Variants in SPTLC3 observed in about 807,000 individuals in gnomAD.
SPTLC3 encodes serine palmitoyltransferase 3.
Under a neutral mutation model 59.3 loss-of-function variants are expected in SPTLC3, and 36 were observed. The ratio of observed to expected loss-of-function variants is 0.61; its 90% confidence interval spans 0.47 to 0.80. The LOEUF (loss-of-function observed/expected upper bound fraction) is 0.80, where lower values mean the gene tolerates loss of function less well. Among genes scored for constraint, SPTLC3 ranks in the 30% least tolerant of loss-of-function variants. SPTLC3 has a pLI of 0.00. For synonymous variants in SPTLC3, 257 were observed against 240.8 expected (o/e 1.07, Z -0.62); for missense variants, 625 against 685.1 (o/e 0.91, Z 0.98).
chr20:13,133,257 G>A (rs557167990), intron 9 of SPTLC3, among the ~76,000 whole-genome samples: 57 of 152,110 alleles, frequency 3.7e-4, no homozygotes, highest in African/African-American at 1.3e-3. Context: ...AACAGCTTGC[G>A]GACCCTCTAC....
intron 6 of SPTLC3, among the ~76,000 whole-genome samples, chr20:13,102,650 G>A (rs1173616329): frequency 6.6e-6 from 1 of 152,154 alleles, no homozygotes; most frequent in Non-Finnish European, 1.5e-5. Context: ...GATGCTGCCA[G>A]CACCCACCTG....
intron 9 of SPTLC3, 140 bp from the exon 10 acceptor site, chr20:13,153,863 A>C (rs906488042): frequency 1.4e-5 from 15 of 1,102,096 alleles, no homozygotes; most frequent in Admixed American, 6.4e-5. Flanking sequence ...TCCCCAGGAG[A>C]TATCTCCCTT....
intron 11 of SPTLC3, among the ~76,000 whole-genome samples, chr20:13,163,504 C>T (rs761909186): frequency 6.6e-6 from 1 of 152,000 alleles, no homozygotes; most frequent in Non-Finnish European, 1.5e-5. Flanking sequence ...CCACCTTCAG[C>T]AAAGATTGCT....
intron 2 of SPTLC3, among the ~76,000 whole-genome samples, chr20:13,053,035 G>A (rs765442780): frequency 3.9e-5 from 6 of 152,234 alleles, no homozygotes; most frequent in East Asian, 3.9e-4. Context: ...CACAGCACTC[G>A]AGCTCTGCTA....
chr20:13,053,030 C>T (rs566199204), intron 2 of SPTLC3, among the ~76,000 whole-genome samples: 25 of 152,278 alleles, frequency 1.6e-4, no homozygotes, highest in East Asian at 5.8e-4. Flanking sequence ...CCCAGCACAG[C>T]ACTCGAGCTC....
At chr20:13,099,985 C>A (rs1033339997) in intron 6 of SPTLC3, among the ~76,000 whole-genome samples, 1 of 152,214 alleles carries the variant, frequency 6.6e-6, no homozygotes, top group African/African-American at 2.4e-5. Context: ...CAACTCTAAA[C>A]TTGTTCTGCT....
chr20:13,127,130 C>G (rs533163267), intron 9 of SPTLC3, among the ~76,000 whole-genome samples: 1 of 152,338 alleles, frequency 6.6e-6, no homozygotes, highest in East Asian at 1.9e-4. Flanking sequence ...AGAGGTTGGA[C>G]AGTGGAAGGC....
intron 2 of SPTLC3, among the ~76,000 whole-genome samples, chr20:13,069,306 C>T (rs1015227682): frequency 3.3e-5 from 5 of 152,044 alleles, no homozygotes; most frequent in Non-Finnish European, 7.4e-5. Context: ...CCTTTCTGGG[C>T]CTGATTCTCC....
intron 9 of SPTLC3, among the ~76,000 whole-genome samples, chr20:13,135,561 A>G (rs2038222357): frequency 6.6e-6 from 1 of 152,234 alleles, no homozygotes; most frequent in Non-Finnish European, 1.5e-5. Flanking sequence ...GCAACTATAT[A>G]TCTTACCAAG....
At chr20:13,116,099 C>T (rs1262793102) in intron 7 of SPTLC3, among the ~76,000 whole-genome samples, 2 of 152,186 alleles carry the variant, frequency 1.3e-5, no homozygotes, top group African/African-American at 4.8e-5. Flanking sequence ...TCGTGGAACA[C>T]ACAAATGCTG....
chr20:13,049,533 A>G (rs1325204950), intron 2 of SPTLC3: 3 of 158,984 alleles, frequency 1.9e-5, no homozygotes, highest in African/African-American at 7.2e-5. Flanking sequence ...TGAAAAGGAA[A>G]GTGCATTTGA....
intron 4 of SPTLC3, among the ~76,000 whole-genome samples, chr20:13,081,308 G>T (rs1160086684): frequency 6.6e-6 from 1 of 152,180 alleles, no homozygotes. Flanking sequence ...TGAACTATAG[G>T]ATGCCCAGCA....
At chr20:13,027,251 C>T (rs1310532694) in intron 1 of SPTLC3, among the ~76,000 whole-genome samples, 2 of 152,124 alleles carry the variant, frequency 1.3e-5, no homozygotes, top group Non-Finnish European at 2.9e-5. Context: ...CAATTTTTAC[C>T]CCTTTAACCT....
chr20:13,103,712 C>G (rs895429416), intron 6 of SPTLC3, among the ~76,000 whole-genome samples: 3 of 152,150 alleles, frequency 2.0e-5, no homozygotes, highest in African/African-American at 4.8e-5. Flanking sequence ...GGAGAGGGAG[C>G]AGGGGCACTG....
chr20:13,156,960 A>G (rs757207894), intron 10 of SPTLC3, among the ~76,000 whole-genome samples: 1 of 152,216 alleles, frequency 6.6e-6, no homozygotes, highest in South Asian at 2.1e-4. Flanking sequence ...GCTATATTAG[A>G]TGCTGGATAA....
At chr20:13,049,206 G>A (rs1402070019) in intron 2 of SPTLC3, 76 bp downstream of exon 2, 12 of 1,528,778 alleles carry the variant, frequency 7.8e-6, no homozygotes, top group Non-Finnish European at 9.0e-6. Flanking sequence ...GGTGATGCAG[G>A]TGCAGATCCT....
At position 13,167,640 on chromosome 20, in the gene SPTLC3, T is replaced by C. The variant is rs1260572370; in HGVS notation, c.*2773T>C. On this transcript the variant is annotated 3_prime_UTR_variant, in exon 12 of 12. Transcript: ENST00000399002. ...ATAATAAGGAAATGGCATAGACTTA[T>C]TCCTAATCTCATTATGAAACGATGG... The C allele has an allele frequency of 6.6e-6, 1 of 152,204 alleles. No individual in the cohort carries two copies. The highest frequency in any genetic ancestry group is 1.9e-4 in the East Asian group (1 of 5,204). The allele number at this position is 152,204 out of a possible 1,614,324, so 9.4% of individuals were successfully genotyped here. A position where few individuals can be genotyped will look rare whatever the true frequency, so the allele number is the denominator to read the frequency against.
At chr20:13,083,132 G>C (rs1025115345) in intron 4 of SPTLC3, among the ~76,000 whole-genome samples, 3 of 152,106 alleles carry the variant, frequency 2.0e-5, no homozygotes, top group African/African-American at 7.2e-5. Flanking sequence ...ACCTAAATAC[G>C]TGACCTGACT....
chr20:13,100,930 C>T (rs1989578695), intron 6 of SPTLC3, among the ~76,000 whole-genome samples: 1 of 152,132 alleles, frequency 6.6e-6, no homozygotes, highest in Admixed American at 6.6e-5. Context: ...CGGATGTAAT[C>T]ACAAGTCACT....
Sources: gnomAD v4.1 joint callset for allele counts (sites outside exome capture counted in the v4.1 genomes callset) on GRCh38, gnomAD v4.1.1 for gene constraint, MANE v1.5 for transcripts, NCBI Gene and HGNC (gene_info 2026-07-23, HGNC 2026-07-21) for gene names.